Variants in PCOLCE2 observed in about 807,000 individuals in gnomAD.
PCOLCE2 encodes procollagen C-endopeptidase enhancer 2.
In PCOLCE2, 42 loss-of-function variants were observed where a neutral mutation model predicts 47.0. That is an observed-to-expected ratio of 0.89 (90% confidence interval 0.70 to 1.16). The LOEUF is 1.16. Among genes scored for constraint, PCOLCE2 ranks in the 50% most tolerant of loss-of-function variants. PCOLCE2 has a pLI of 0.00. For synonymous variants in PCOLCE2, 169 were observed against 191.7 expected (o/e 0.88, Z 0.98); for missense variants, 500 against 526.1 (o/e 0.95, Z 0.49).
chr3:142,888,843 G>T lies in PCOLCE2; in HGVS notation c.54C>A (p.Thr18=). 1 of 1,546,404 alleles carries T rather than the reference G, an allele frequency of 6.5e-7. No individual in the cohort carries two copies. Among genetic ancestry groups the T allele is most frequent in the South Asian group, 1.2e-5 (1 of 82,798 alleles). ...CTGGGGACTGCTGCCGCGAGAGCTG[G>T]GTGGCGGCAGCCAGCAGCAGGCAGA... is the stretch of plus-strand genomic sequence containing the variant. The part of the protein sequence containing the change: ...APLCLLLAAA[T]QLSRQQSPER... The change falls in exon 1 of 9, where the codon ACC becomes ACA. Residue 18 remains threonine (T), a synonymous_variant. Coordinates refer to ENST00000295992, the MANE Select transcript of PCOLCE2 (RefSeq NM_013363.4).
intron 3 of PCOLCE2, 94 bp downstream of exon 3, chr3:142,848,123 C>T (rs924757891): frequency 1.5e-6 from 2 of 1,303,974 alleles, no homozygotes; most frequent in Non-Finnish European, 2.1e-6. Context: ...TCTTTGAGAA[C>T]CACTCTTAAG....
intron 2 of PCOLCE2, among the ~76,000 whole-genome samples, chr3:142,868,738 C>T (rs1933329585): frequency 2.0e-5 from 3 of 152,218 alleles, no homozygotes; most frequent in Admixed American, 1.3e-4. Context: ...GAACGAACGA[C>T]ACAGCAGCAG....
At chr3:142,845,762 G>C (rs28557005) in intron 3 of PCOLCE2, among the ~76,000 whole-genome samples, 3,558 of 152,226 alleles carry the variant, frequency 0.023, 157 homozygotes, top group African/African-American at 0.081. Flanking sequence ...TCAACCTGAG[G>C]TCAGGAGTTC....
At chr3:142,839,210 T>C (rs750098567) in intron 4 of PCOLCE2, among the ~76,000 whole-genome samples, 2 of 152,222 alleles carry the variant, frequency 1.3e-5, no homozygotes, top group Non-Finnish European at 2.9e-5. Context: ...TATGTAACAC[T>C]AGCAACCTAC....
chr3:142,823,386 C>G (rs1937036471), intron 7 of PCOLCE2, 146 bp downstream of exon 7: 1 of 540,218 alleles, frequency 1.9e-6, no homozygotes, highest in African/African-American at 1.9e-5. Context: ...ACAATTTGAC[C>G]ATTCTGGTGT....
intron 2 of PCOLCE2, among the ~76,000 whole-genome samples, chr3:142,862,834 G>C (rs1933205530): frequency 6.6e-6 from 1 of 151,864 alleles, no homozygotes; most frequent in Non-Finnish European, 1.5e-5. Flanking sequence ...ATTTATACAA[G>C]AAATCTCAAA....
At chr3:142,827,101 T>G in intron 6 of PCOLCE2, 2 of 1,424,672 alleles carry the variant, frequency 1.4e-6, no homozygotes, top group Non-Finnish European at 2.0e-6. Flanking sequence ...TAGCACTAGT[T>G]CTCTTTCTCC....
At chr3:142,880,540 A>C (rs1578052183) in intron 2 of PCOLCE2, among the ~76,000 whole-genome samples, 1 of 152,154 alleles carries the variant, frequency 6.6e-6, no homozygotes, top group Admixed American at 6.5e-5. Flanking sequence ...ATTTTCACAA[A>C]CCCTTTGCTC....
intron 5 of PCOLCE2, among the ~76,000 whole-genome samples, chr3:142,831,649 A>G (rs537028743): frequency 1.1e-4 from 16 of 152,328 alleles, no homozygotes; most frequent in Non-Finnish European, 1.5e-4. Flanking sequence ...TGCACTACAC[A>G]CAATTCTAAC....
intron 6 of PCOLCE2, among the ~76,000 whole-genome samples, chr3:142,828,242 G>A (rs557729109): frequency 7.0e-4 from 106 of 152,304 alleles, no homozygotes; most frequent in African/African-American, 2.3e-3. Flanking sequence ...GCCTGAAGAC[G>A]AAACTAGAAA....
chr3:142,858,669 C>T (rs1293559539), intron 2 of PCOLCE2, among the ~76,000 whole-genome samples: 3 of 152,020 alleles, frequency 2.0e-5, no homozygotes, highest in East Asian at 1.9e-4. Context: ...TTCATATGCC[C>T]GTCCCAAGCA....
rs35783198 is a variant in PCOLCE2, at chr3:142,888,925, C to T, written c.-29G>A. ...AGCGTAGACGCTCGGGGTTTGCACC[C>T]CACGGCGCGCGCGCCGGCACACACG... On this transcript the variant is annotated 5_prime_UTR_variant, in exon 1 of 9. Transcript: ENST00000295992. The T allele has an allele frequency of 0.15, 191,411 of 1,295,310 alleles. 15,110 individuals carry two copies. The highest frequency in any genetic ancestry group is 0.19 in the South Asian group (10,396 of 54,380). 80.2% of individuals were successfully genotyped at this position (1,295,310 alleles called of 1,614,324 possible).
intron 2 of PCOLCE2, among the ~76,000 whole-genome samples, chr3:142,882,831 C>G (rs1933651598): frequency 6.6e-6 from 1 of 152,194 alleles, no homozygotes; most frequent in Admixed American, 6.5e-5. Context: ...CTCTGCATAA[C>G]AATTGCTGTT....
chr3:142,836,621 C>T (rs1478879800), intron 5 of PCOLCE2, among the ~76,000 whole-genome samples: 2 of 152,014 alleles, frequency 1.3e-5, no homozygotes, highest in African/African-American at 4.8e-5. Flanking sequence ...TTGCATATTG[C>T]TAGAAAATGA....
At chr3:142,859,849 T>C (rs1242795213) in intron 2 of PCOLCE2, among the ~76,000 whole-genome samples, 1 of 152,182 alleles carries the variant, frequency 6.6e-6, no homozygotes, top group Admixed American at 6.5e-5. Context: ...CGCCCAGCTA[T>C]ACTGATATTT....
intron 2 of PCOLCE2, among the ~76,000 whole-genome samples, chr3:142,865,457 G>A (rs1456695183): frequency 1.4e-5 from 2 of 146,210 alleles, no homozygotes; most frequent in Non-Finnish European, 2.9e-5. Context: ...CGCCAAGAGT[G>A]AGAGGCAAGG....
chr3:142,873,010 A>G (rs904080816), intron 2 of PCOLCE2, among the ~76,000 whole-genome samples: 1 of 152,228 alleles, frequency 6.6e-6, no homozygotes, highest in Non-Finnish European at 1.5e-5. Context: ...TCAATATTCA[A>G]TTCTATAAAT....
chr3:142,847,540 T>C (rs952570590), intron 3 of PCOLCE2, among the ~76,000 whole-genome samples: 1 of 152,110 alleles, frequency 6.6e-6, no homozygotes, highest in South Asian at 2.1e-4. Context: ...TGTGTATATA[T>C]ATATTTGTTG....
intron 2 of PCOLCE2, among the ~76,000 whole-genome samples, chr3:142,885,219 AG>A (rs1350525676): frequency 6.6e-6 from 1 of 152,234 alleles, no homozygotes; most frequent in Non-Finnish European, 1.5e-5. Context: ...AAAACCATTT[AG>A]CGGTGAAAGC....
Sources: gnomAD v4.1 joint callset for allele counts (sites outside exome capture counted in the v4.1 genomes callset) on GRCh38, gnomAD v4.1.1 for gene constraint, MANE v1.5 for transcripts, NCBI Gene and HGNC (gene_info 2026-07-23, HGNC 2026-07-21) for gene names.